Variants in WASHC2A observed in about 807,000 individuals in gnomAD.
WASHC2A encodes WASH complex subunit FAM21A.
A neutral mutation model predicts 140.3 loss-of-function variants in WASHC2A; 82 were observed. That is an observed-to-expected ratio of 0.58 (90% CI 0.49 to 0.70). The LOEUF is 0.70. WASHC2A is among the 30% of genes least tolerant of loss of function. The pLI is 0.00. For synonymous variants in WASHC2A, 340 were observed against 560.8 expected (o/e 0.61, Z 5.56); for missense variants, 985 against 1,521.8 (o/e 0.65, Z 5.87).
rs1326518916 is a variant in WASHC2A, at chr10:50,106,416, A to C, written c.1820A>C (p.Glu607Ala). 2 of 1,611,970 alleles carry C rather than the reference A, an allele frequency of 1.2e-6. No homozygotes were observed. The highest frequency in any genetic ancestry group is 1.7e-6 in the Non-Finnish European group (2 of 1,179,848). The change falls in exon 19 of 31, where the codon GAG becomes GCG. Residue 607 changes from glutamate to alanine, a missense_variant. Physicochemically the swap from Glu to Ala is moderately radical, Grantham distance 107 (BLOSUM62 -1). Transcript: ENST00000282633. ...AQREEKAKAS[E>A]LSKKKASALL... ...AGAGAAGAGAAAGCAAAAGCCTCCG[A>C]GCTCTCCAAAAAGAAAGCATCTGCC...
At chr10:50,097,492 A>G (rs561649103) in intron 15 of WASHC2A, among the ~76,000 whole-genome samples, 183 bp from the exon 16 acceptor site, 3 of 144,812 alleles carry the variant, frequency 2.1e-5, no homozygotes, top group Admixed American at 7.2e-5. Flanking sequence ...CTGAACTGCT[A>G]CTATGCACTT....
chr10:50,068,447 A>G (rs1322285099), intron 2 of WASHC2A, among the ~76,000 whole-genome samples: 1 of 151,258 alleles, frequency 6.6e-6, no homozygotes, highest in East Asian at 2.0e-4. Context: ...CGTTCCCTTC[A>G]TGGGGTTTCT....
chr10:50,069,822 G>T, intron 3 of WASHC2A, 111 bp downstream of exon 3: 1 of 1,183,478 alleles, frequency 8.4e-7, no homozygotes, highest in Non-Finnish European at 1.2e-6. Flanking sequence ...TGTGGTTCTT[G>T]GTAATTGTAG....
chr10:50,127,041 C>T, intron 26 of WASHC2A, 119 bp from the exon 27 acceptor site: 2 of 1,145,310 alleles, frequency 1.7e-6, no homozygotes, highest in Admixed American at 3.4e-5. Flanking sequence ...AATGCCTTTC[C>T]CATTAAAGAG....
intron 30 of WASHC2A, among the ~76,000 whole-genome samples, chr10:50,131,376 G>A (rs1843949836): frequency 6.6e-6 from 1 of 152,230 alleles, no homozygotes; most frequent in South Asian, 2.1e-4. Context: ...CCGGTGTTAT[G>A]AAAGGAGGTT....
intron 17 of WASHC2A, among the ~76,000 whole-genome samples, chr10:50,101,479 A>C (rs571532401): frequency 6.6e-5 from 10 of 152,412 alleles, no homozygotes; most frequent in African/African-American, 2.4e-4. Flanking sequence ...GACAGTGTAT[A>C]TTTACTTATT....
intron 20 of WASHC2A, among the ~76,000 whole-genome samples, chr10:50,112,742 C>T (rs1248818356): frequency 2.0e-5 from 3 of 151,608 alleles, no homozygotes; most frequent in East Asian, 1.9e-4. Flanking sequence ...AGTAGCGATG[C>T]ATCCTAGAAC....
intron 13 of WASHC2A, among the ~76,000 whole-genome samples, 198 bp from the exon 14 acceptor site, chr10:50,094,950 T>G (rs1277300108): frequency 1.3e-4 from 19 of 151,604 alleles, no homozygotes; most frequent in African/African-American, 4.4e-4. Flanking sequence ...CAGCTCAGAT[T>G]GTGTTAATCC....
rs782299875 is a variant in WASHC2A, at chr10:50,069,558, T to G, written c.138T>G (p.Phe46Leu). ...SLAADAGLLQ[F>L]LQEFSQQTIS... Reference sequence around the variant, plus strand: ...ATTTTTTAAAATAGCTACTACAGTTTCTACAGGAATTCTCACAGCAAACTA... The same window carrying G: ...ATTTTTTAAAATAGCTACTACAGTTGCTACAGGAATTCTCACAGCAAACTA... The change falls in exon 3 of 31, where the codon TTT becomes TTG. Residue 46 changes from phenylalanine (F) to leucine (L), a missense_variant. Transcript: ENST00000282633. The G allele has an allele frequency of 1.2e-6, 2 of 1,613,346 alleles. No individual in the cohort carries two copies. The highest frequency in any genetic ancestry group is 1.7e-6 in the Non-Finnish European group (2 of 1,179,714).
chr10:50,069,762 G>C, intron 3 of WASHC2A, 51 bp downstream of exon 3: 1 of 1,534,958 alleles, frequency 6.5e-7, no homozygotes, highest in Non-Finnish European at 8.8e-7. Flanking sequence ...AGGAGATATT[G>C]TAATTTTAAA....
intron 29 of WASHC2A, 104 bp downstream of exon 29, chr10:50,130,143 C>T (rs1843812716): frequency 1.4e-6 from 2 of 1,396,354 alleles, no homozygotes; most frequent in Non-Finnish European, 9.9e-7. Context: ...GTGCATACCC[C>T]ATAGCCACTT....
rs1843546478 is a variant in WASHC2A at position 50,127,567 on chromosome 10, C to A, written c.2875-16C>A. 12 of 1,588,276 alleles carry A rather than the reference C, an allele frequency of 7.6e-6. No individual in the cohort carries two copies. Among genetic ancestry groups the A allele is most frequent in the Middle Eastern group, 2.3e-4 (1 of 4,420 alleles). On this transcript the variant is annotated splice_polypyrimidine_tract_variant and intron_variant, in intron 27 of 30. Coordinates refer to ENST00000282633, the MANE Select transcript of WASHC2A (RefSeq NM_001005751.3). ...GTGTTGAAGAACAAATACAGAGTTT[C>A]ATTTTTCTTCTTTAGGCAAATTTAG...
chr10:50,106,474 A>G lies in WASHC2A; in HGVS notation c.1869+9A>G, dbSNP rs1288141435. ...TCAGCAGTGATGAGGAGGTGAGCTG[A>G]GGTTTCTGCTAAAGAAGAGGGGATT... On this transcript the variant is annotated intron_variant, in intron 19 of 30. Coordinates refer to ENST00000282633, the MANE Select transcript of WASHC2A (RefSeq NM_001005751.3). 17 of 1,594,360 alleles carry G rather than the reference A, an allele frequency of 1.1e-5. No homozygotes were observed. Among genetic ancestry groups the G allele is most frequent in the African/African-American group, 1.4e-5 (1 of 73,060 alleles).
In WASHC2A at chr10:50,129,512, G is replaced by C; in HGVS notation, c.3181G>C (p.Val1061Leu). The change falls in exon 29 of 31, where the codon GTC becomes CTC. Residue 1061 changes from valine to leucine, a missense_variant. Transcript: ENST00000282633. Reference sequence around the variant, plus strand: ...GTCCAGCGAGACTGAGGACATGAGCGTCCCCAGAGGACCCATTGCACAGTG... The same window carrying C: ...GTCCAGCGAGACTGAGGACATGAGCCTCCCCAGAGGACCCATTGCACAGTG... The part of the protein sequence containing the change: ...QESSETEDMS[V>L]PRGPIAQWAD... 6.2e-7 allele frequency: 1 copy of C among 1,612,036 alleles called. No individual in the cohort carries two copies. Among genetic ancestry groups the C allele is most frequent in the South Asian group, 1.1e-5 (1 of 90,992 alleles).
At chr10:50,101,279 G>A (rs1313014949) in intron 17 of WASHC2A, among the ~76,000 whole-genome samples, 5 of 152,310 alleles carry the variant, frequency 3.3e-5, no homozygotes, top group South Asian at 2.1e-4. Context: ...TGCACCTCAG[G>A]GTCTTTGCAC....
intron 23 of WASHC2A, among the ~76,000 whole-genome samples, chr10:50,120,755 T>TA (rs1323350273): frequency 6.9e-6 from 1 of 144,572 alleles, no homozygotes; most frequent in Admixed American, 6.8e-5. Context: ...TCAACAAAAA[T>TA]ACTACTAAAC....
intron 17 of WASHC2A, 139 bp downstream of exon 17, chr10:50,100,203 C>T (rs2132688555): frequency 2.7e-6 from 4 of 1,483,746 alleles, no homozygotes; most frequent in East Asian, 4.9e-5. Flanking sequence ...TCTCTAGAGG[C>T]CAGGAGTAGT....
At chr10:50,092,048 G>C (rs1839983676) in intron 10 of WASHC2A, 114 bp from the exon 11 acceptor site, 2 of 1,568,614 alleles carry the variant, frequency 1.3e-6, no homozygotes, top group Non-Finnish European at 1.7e-6. Flanking sequence ...TGAGATGAAA[G>C]GCAGATGTCT....
chr10:50,103,699 A>C (rs1363544602), intron 17 of WASHC2A, among the ~76,000 whole-genome samples: 1 of 152,222 alleles, frequency 6.6e-6, no homozygotes, highest in Non-Finnish European at 1.5e-5. Context: ...TTAGACGGTA[A>C]TGGGAAGCCA....
Sources: allele counts gnomAD v4.1 joint callset (sites outside exome capture counted in the v4.1 genomes callset), GRCh38; gene constraint gnomAD v4.1.1; transcripts MANE v1.5; gene names NCBI Gene and HGNC (gene_info 2026-07-23, HGNC 2026-07-21).